Variants in FAF1 observed in about 807,000 individuals in gnomAD.
The protein encoded by FAF1 is FAS-associated factor 1.
Under a neutral mutation model 92.5 loss-of-function variants are expected in FAF1, and 25 were observed. The observed-to-expected ratio is 0.27, with a 90% CI of 0.20 to 0.38. FAF1 has a LOEUF of 0.38. FAF1 is among the 10% of genes least tolerant of loss of function. The pLI is 1.00. For synonymous variants in FAF1, 234 were observed against 273.2 expected (o/e 0.86, Z 1.42); for missense variants, 636 against 793.3 (o/e 0.80, Z 2.38).
chr1:50,926,176 T>C (rs1645004958), intron 1 of FAF1, among the ~76,000 whole-genome samples: 1 of 152,098 alleles, frequency 6.6e-6, no homozygotes, highest in African/African-American at 2.4e-5. Flanking sequence ...ATGATCACAC[T>C]ACTGCACTCC....
intron 7 of FAF1, among the ~76,000 whole-genome samples, chr1:50,702,239 A>C (rs1657503993): frequency 6.6e-6 from 1 of 152,068 alleles, no homozygotes; most frequent in South Asian, 2.1e-4. Context: ...CCCTTAATTT[A>C]ACCCACCCCA....
intron 4 of FAF1, among the ~76,000 whole-genome samples, chr1:50,774,149 C>G (rs948308111): frequency 6.6e-6 from 1 of 152,142 alleles, no homozygotes; most frequent in African/African-American, 2.4e-5. Context: ...AACAATACTA[C>G]TAACACACAA....
chr1:50,713,938 T>C (rs902134987), intron 6 of FAF1, among the ~76,000 whole-genome samples: 1 of 151,088 alleles, frequency 6.6e-6, no homozygotes, highest in Non-Finnish European at 1.5e-5. Flanking sequence ...GCCCAGCTAA[T>C]TTTTTTGTAT....
intron 3 of FAF1, among the ~76,000 whole-genome samples, chr1:50,791,645 A>T (rs1661568287): frequency 1.3e-5 from 2 of 152,194 alleles, no homozygotes; most frequent in South Asian, 4.1e-4. Context: ...GACAGTGTAC[A>T]TTCACAGAGG....
chr1:50,578,098 C>T (rs764946845), intron 12 of FAF1, among the ~76,000 whole-genome samples: 1 of 152,194 alleles, frequency 6.6e-6, no homozygotes, highest in African/African-American at 2.4e-5. Context: ...TGTAATCCCA[C>T]CACTCCAATA....
At chr1:50,469,486 T>TAATC (rs924782262) in intron 18 of FAF1, 1 of 152,150 alleles carries the variant, frequency 6.6e-6, no homozygotes, top group African/African-American at 2.4e-5. Context: ...GCTGAGGAGG[T>TAATC]AATCAGAAGA....
intron 6 of FAF1, chr1:50,706,122 T>C (rs183220734): frequency 6.8e-5 from 29 of 428,186 alleles, no homozygotes; most frequent in Non-Finnish European, 1.1e-4. Context: ...CAAGTCTAAA[T>C]GCTTTGTATA....
At chr1:50,577,822 G>T (rs764594181) in intron 12 of FAF1, among the ~76,000 whole-genome samples, 2 of 152,084 alleles carry the variant, frequency 1.3e-5, no homozygotes, top group Admixed American at 6.6e-5. Flanking sequence ...ACTTTGTCAC[G>T]ATATACTTAA....
chr1:50,825,229 T>C (rs1016166496), intron 2 of FAF1, among the ~76,000 whole-genome samples: 1 of 152,108 alleles, frequency 6.6e-6, no homozygotes, highest in African/African-American at 2.4e-5. Context: ...AATATGTACA[T>C]TATGTGTCAA....
intron 7 of FAF1, among the ~76,000 whole-genome samples, chr1:50,702,911 T>C (rs1055025615): frequency 6.6e-6 from 1 of 152,122 alleles, no homozygotes. Context: ...GAAATCATAG[T>C]GCCTTTTTCA....
intron 7 of FAF1, among the ~76,000 whole-genome samples, chr1:50,686,839 G>GT (rs1237288343): frequency 1.2e-4 from 18 of 151,754 alleles, no homozygotes; most frequent in Admixed American, 7.2e-4. Flanking sequence ...CTTTTTTGGG[G>GT]TTTTTTTTAC....
intron 10 of FAF1, 127 bp downstream of exon 10, chr1:50,584,558 C>T (rs1032795640): frequency 2.4e-6 from 2 of 826,670 alleles, no homozygotes; most frequent in South Asian, 2.5e-5. Flanking sequence ...AGAATGCCTA[C>T]TCTCTATTAT....
At position 50,472,368 on chromosome 1, in the gene FAF1, TACACACACACACACACAC is replaced by T. The variant is rs71850142; in HGVS notation, c.1869+3078_1869+3095del. Among the ~76,000 whole-genome samples, 663 of 123,948 alleles carry T rather than the reference TACACACACACACACACAC, an allele frequency of 5.3e-3. 3 individuals carry two copies. The highest frequency in any genetic ancestry group is 0.017 in the Middle Eastern group (4 of 234). The allele number at this position is 123,948 out of a possible 152,430, so 81.3% of individuals were successfully genotyped here. On this transcript the variant is annotated intron_variant, in intron 18 of 18. Coordinates refer to ENST00000396153, the MANE Select transcript of FAF1 (RefSeq NM_007051.3). ...GTTATTAGCAAAATTGGGGAAAACATACACACACACACACACACACACACACACACACACACACACACA... is the reference window on the plus strand; with the variant it reads ...GTTATTAGCAAAATTGGGGAAAACATACACACACACACACACACACACACA...
At chr1:50,626,031 CTTG>C (rs765107529) in intron 8 of FAF1, among the ~76,000 whole-genome samples, 11 of 152,136 alleles carry the variant, frequency 7.2e-5, no homozygotes, top group Non-Finnish European at 1.5e-4. Flanking sequence ...TGAAACCATA[CTTG>C]TTGTCATGTT....
intron 7 of FAF1, among the ~76,000 whole-genome samples, chr1:50,698,579 A>T (rs1269652829): frequency 2.0e-5 from 3 of 152,022 alleles, no homozygotes; most frequent in Non-Finnish European, 4.4e-5. Context: ...TGCTGCAAAA[A>T]ATTTTTTGCA....
intron 15 of FAF1, among the ~76,000 whole-genome samples, chr1:50,515,082 G>C (rs1647199684): frequency 6.6e-6 from 1 of 152,146 alleles, no homozygotes. Context: ...TGTAGGCCCT[G>C]TGTTAGAAAC....
chr1:50,565,775 T>G (rs979207308), intron 13 of FAF1, among the ~76,000 whole-genome samples: 1 of 152,090 alleles, frequency 6.6e-6, no homozygotes, highest in Non-Finnish European at 1.5e-5. Flanking sequence ...GGTAGCCCAC[T>G]GAACTTAGCC....
At chr1:50,761,015 G>A (rs1277864196) in intron 4 of FAF1, among the ~76,000 whole-genome samples, 11 of 152,248 alleles carry the variant, frequency 7.2e-5, no homozygotes, top group South Asian at 6.2e-4. Context: ...TATCACCACC[G>A]ATCACACAGA....
chr1:50,694,049 G>A (rs114419967), intron 7 of FAF1, among the ~76,000 whole-genome samples: 40 of 137,542 alleles, frequency 2.9e-4, no homozygotes, highest in African/African-American at 1.4e-3. Context: ...TACATGACAT[G>A]TATGACATAT....
Sources: allele counts gnomAD v4.1 joint callset (sites outside exome capture counted in the v4.1 genomes callset), GRCh38; gene constraint gnomAD v4.1.1; transcripts MANE v1.5; gene names NCBI Gene and HGNC (gene_info 2026-07-23, HGNC 2026-07-21).